Variants in COBLL1 observed in about 807,000 individuals in gnomAD.
COBLL1 encodes the protein cordon-bleu protein-like 1.
A neutral mutation model predicts 94.8 loss-of-function variants in COBLL1; 50 were observed. The ratio of observed to expected loss-of-function variants is 0.53; its 90% CI spans 0.42 to 0.67. The LOEUF is 0.67. Ranked by LOEUF, COBLL1 falls within the 30% of genes least tolerant of loss-of-function variation. The pLI, the probability that COBLL1 is intolerant of heterozygous loss-of-function variation, is 0.00. For synonymous variants in COBLL1, 448 were observed against 473.8 expected (o/e 0.95, Z 0.71); for missense variants, 1,362 against 1,348.7 (o/e 1.01, Z -0.15).
At chr2:164,740,790 A>T (rs13406767) in intron 3 of COBLL1, among the ~76,000 whole-genome samples, 9,496 of 152,254 alleles carry the variant, frequency 0.062, 373 homozygotes, top group African/African-American at 0.12. Context: ...GCCAGAGTTA[A>T]TCACTGATTC....
At chr2:164,702,419 C>A (rs907026715) in intron 9 of COBLL1, among the ~76,000 whole-genome samples, 29 of 151,482 alleles carry the variant, frequency 1.9e-4, no homozygotes, top group African/African-American at 6.8e-4. Context: ...AAAAAATTAG[C>A]CAGGTGTGGT....
At chr2:164,791,075 A>G (rs903932452) in intron 2 of COBLL1, among the ~76,000 whole-genome samples, 7 of 152,202 alleles carry the variant, frequency 4.6e-5, no homozygotes, top group Non-Finnish European at 7.3e-5. Context: ...TGTATTCTAT[A>G]CACATACTTG....
intron 2 of COBLL1, among the ~76,000 whole-genome samples, chr2:164,748,073 C>A (rs1686958773): frequency 6.6e-6 from 1 of 152,094 alleles, no homozygotes; most frequent in African/African-American, 2.4e-5. Flanking sequence ...AGAGAAAAGA[C>A]AAGAGACTCA....
intron 5 of COBLL1, chr2:164,724,178 T>C (rs1014808961): frequency 1.3e-5 from 2 of 152,214 alleles, no homozygotes; most frequent in Non-Finnish European, 2.9e-5. Context: ...TAATATTGAC[T>C]GCAATAGACT....
intron 5 of COBLL1, among the ~76,000 whole-genome samples, 193 bp downstream of exon 5, chr2:164,727,776 A>G (rs547057654): frequency 6.6e-6 from 1 of 151,886 alleles, no homozygotes; most frequent in South Asian, 2.1e-4. Context: ...ACTGAAATTA[A>G]GTTGTTATAT....
rs1683042308 is a variant in COBLL1 at position 164,681,566 on chromosome 2, G to A, written c.*4380C>T. On this transcript the variant is annotated 3_prime_UTR_variant, in exon 14 of 14. Transcript: ENST00000652658. ...ACGGATGCAAGAGAGGGAAAGAACT[G>A]AGGCCATCACTGCTATCACAGCAAA... 6.6e-6 allele frequency: 1 copy of A among 152,252 alleles called. No individual in the cohort carries two copies. Among genetic ancestry groups the A allele is most frequent in the South Asian group, 2.1e-4 (1 of 4,836 alleles). The allele number at this position is 152,252 out of a possible 1,614,324, so 9.4% of individuals were successfully genotyped here.
intron 11 of COBLL1, 39 bp downstream of exon 11, chr2:164,699,366 A>G (rs376370995): frequency 2.4e-4 from 316 of 1,298,504 alleles, no homozygotes; most frequent in Admixed American, 3.4e-5. Flanking sequence ...GCACATAATA[A>G]AAGTAAGAAA....
chr2:164,784,234 A>G (rs1302230902), intron 2 of COBLL1, among the ~76,000 whole-genome samples: 8 of 152,150 alleles, frequency 5.3e-5, no homozygotes, highest in Admixed American at 4.6e-4. Context: ...TATGTTTTAT[A>G]TTTTATAGAC....
chr2:164,830,110 A>G (rs1370477788), intron 2 of COBLL1, among the ~76,000 whole-genome samples: 6 of 152,220 alleles, frequency 3.9e-5, no homozygotes, highest in African/African-American at 7.2e-5. Flanking sequence ...GATGCTGACC[A>G]TGGAATTAAA....
chr2:164,796,726 A>AAAC (rs374535467), intron 2 of COBLL1, among the ~76,000 whole-genome samples: 1 of 109,462 alleles, frequency 9.1e-6, no homozygotes, highest in African/African-American at 3.1e-5. Flanking sequence ...AAAAAAAAAA[A>AAAC]GGAGAGGGAA....
chr2:164,699,355 G>T, intron 11 of COBLL1, 50 bp downstream of exon 11: 1 of 1,167,818 alleles, frequency 8.6e-7, no homozygotes, highest in Non-Finnish European at 1.3e-6. Flanking sequence ...AACTGTCCTT[G>T]GCACATAATA....
intron 2 of COBLL1, among the ~76,000 whole-genome samples, chr2:164,659,216 C>T (rs1474588757): frequency 1.3e-5 from 2 of 152,070 alleles, no homozygotes; most frequent in African/African-American, 4.8e-5. Context: ...AGCACTAGTT[C>T]CTGGAGTGAG....
intron 2 of COBLL1, among the ~76,000 whole-genome samples, chr2:164,811,449 T>C (rs1431811215): frequency 2.6e-5 from 4 of 151,930 alleles, no homozygotes; most frequent in African/African-American, 4.8e-5. Flanking sequence ...TTCAGTGAAA[T>C]GTACATAACA....
intron 2 of COBLL1, among the ~76,000 whole-genome samples, chr2:164,809,231 T>C (rs915982063): frequency 6.6e-6 from 1 of 152,078 alleles, no homozygotes; most frequent in African/African-American, 2.4e-5. Context: ...GTGCAGTTTA[T>C]ATATTTTAAT....
rs547943349 is a variant in COBLL1, at chr2:164,680,924, A to G, written c.*5022T>C. Reference sequence around the variant, plus strand: ...TCTGAAGACAAAATGAGAGAAAACTATAGAGAAAGGGAGAGAATATACTTT... The same window carrying G: ...TCTGAAGACAAAATGAGAGAAAACTGTAGAGAAAGGGAGAGAATATACTTT... On this transcript the variant is annotated 3_prime_UTR_variant, in exon 14 of 14. Coordinates refer to ENST00000652658, the MANE Select transcript of COBLL1 (RefSeq NM_001365672.2). The G allele has an allele frequency of 2.0e-5, 3 of 152,260 alleles. No homozygotes were observed. In the South Asian group the frequency reaches 6.2e-4, roughly 32 times the overall value. The allele number at this position is 152,260 out of a possible 1,614,324, so 9.4% of individuals were successfully genotyped here.
At position 164,830,259 on chromosome 2, in the gene COBLL1, G is replaced by A. The variant is rs531051019; in HGVS notation, c.41+10897C>T. Among the ~76,000 whole-genome samples the A allele has an allele frequency of 1.2e-4, 18 of 152,184 alleles. No individual in the cohort carries two copies. The South Asian group carries it at 2.7e-3, about 23-fold the overall frequency. The stretch of plus-strand genomic sequence containing the variant: ...AATATCCATGGGATGCCAGAAAGTC[G>A]GTCTCTACCTTACCTACGCTTTACA... On this transcript the variant is annotated intron_variant, in intron 2 of 13. Transcript: ENST00000652658.
intron 1 of COBLL1, among the ~76,000 whole-genome samples, chr2:164,672,383 G>T (rs1031233453): frequency 2.6e-5 from 4 of 152,092 alleles, no homozygotes; most frequent in African/African-American, 4.8e-5. Context: ...AAAGGAGAGG[G>T]TTTTTTTCTT....
chr2:164,826,380 A>G (rs1685428407), intron 2 of COBLL1, among the ~76,000 whole-genome samples: 1 of 152,238 alleles, frequency 6.6e-6, no homozygotes, highest in African/African-American at 2.4e-5. Context: ...GGAGAGGCAA[A>G]TGAGAACAGG....
At chr2:164,818,749 T>C (rs1190434951) in intron 2 of COBLL1, among the ~76,000 whole-genome samples, 1 of 148,164 alleles carries the variant, frequency 6.7e-6, no homozygotes, top group Non-Finnish European at 1.5e-5. Context: ...ACATATAGTA[T>C]ATATATGTAC....
Sources: gnomAD v4.1 joint callset for allele counts (sites outside exome capture counted in the v4.1 genomes callset) on GRCh38, gnomAD v4.1.1 for gene constraint, MANE v1.5 for transcripts, NCBI Gene and HGNC (gene_info 2026-07-23, HGNC 2026-07-21) for gene names.